TMEM50B: variants seen among roughly 807,000 people sequenced by gnomAD.
The protein encoded by TMEM50B is transmembrane protein 50B, also known as HCV p7-trans-regulated protein 3.
In TMEM50B, 14 loss-of-function variants were observed where a neutral mutation model predicts 23.4. That is an observed-to-expected ratio of 0.60 (90% CI 0.39 to 0.93). TMEM50B has a LOEUF of 0.93. TMEM50B is among the 40% of genes least tolerant of loss of function. The pLI is 0.00. For synonymous variants in TMEM50B, 64 were observed against 62.3 expected (o/e 1.03, Z -0.13); for missense variants, 159 against 193.0 (o/e 0.82, Z 1.04).
chr21:33,469,238 C>T (rs1320471536), intron 1 of TMEM50B, among the ~76,000 whole-genome samples: 2 of 151,980 alleles, frequency 1.3e-5, no homozygotes, highest in East Asian at 3.9e-4. Context: ...TCACTTGAGG[C>T]CAGGAGTTCG....
chr21:33,473,457 GA>G (rs35814774), intron 1 of TMEM50B, among the ~76,000 whole-genome samples: 27,118 of 84,960 alleles, frequency 0.32, 2,990 homozygotes, highest in Middle Eastern at 0.45. Context: ...TGTCTCGGAA[GA>G]AAAAAAAAAA....
At chr21:33,463,226 A>G (rs919445727) in intron 4 of TMEM50B, among the ~76,000 whole-genome samples, 3 of 152,234 alleles carry the variant, frequency 2.0e-5, no homozygotes, top group African/African-American at 7.2e-5. Context: ...TGGGAGGCGG[A>G]GGATGCAATG....
At position 33,449,252 on chromosome 21, in the gene TMEM50B, CAAAG is replaced by C. The variant is rs1321791157; in HGVS notation, c.*1562_*1565del. On this transcript the variant is annotated 3_prime_UTR_variant, in exon 7 of 7. Transcript: ENST00000542230. ...TACTAACATTTTGAAGAAAAAACAG[CAAAG>C]AAAGAAGTCATCAAACAAGATGGTA... 5 of 152,154 alleles carry C rather than the reference CAAAG, an allele frequency of 3.3e-5. No individual in the cohort carries two copies. Among genetic ancestry groups the C allele is most frequent in the Non-Finnish European group, 7.3e-5 (5 of 68,036 alleles). 9.4% of individuals were successfully genotyped at this position (152,154 alleles called of 1,614,324 possible).
chr21:33,443,594 T>C lies in TMEM50B; in HGVS notation c.*2037-4297A>G, dbSNP rs534180472. Among the ~76,000 whole-genome samples the C allele has an allele frequency of 2.6e-5, 4 of 152,338 alleles. No individual in the cohort carries two copies. In the South Asian group the frequency reaches 6.2e-4, roughly 24 times the overall value. ...AGGGATATGACGACTAAATGCAACG[T>C]GTGACCATGGGCAGGATCCTGCCAC... On this transcript the variant is annotated intron_variant and NMD_transcript_variant, in intron 7 of 8. Coordinates refer to the TMEM50B transcript ENST00000420455.
intron 8 of TMEM50B, chr21:33,436,730 T>TA (rs1465328734): frequency 1.0e-6 from 1 of 991,100 alleles, no homozygotes; most frequent in African/African-American, 1.8e-5. Flanking sequence ...AAAAAAAAAA[T>TA]AAAAATAAAA....
chr21:33,468,459 T>C, intron 2 of TMEM50B: 1 of 208,416 alleles, frequency 4.8e-6, no homozygotes, highest in Non-Finnish European at 9.7e-6. Context: ...ACAATAATTT[T>C]GGGTTACATC....
At chr21:33,468,266 A>AATT in intron 2 of TMEM50B, among the ~76,000 whole-genome samples, 1 of 152,234 alleles carries the variant, frequency 6.6e-6, no homozygotes, top group Admixed American at 6.5e-5. Flanking sequence ...ATGGAAAGAA[A>AATT]ATTAAACAAT....
intron 2 of TMEM50B, 154 bp from the exon 3 acceptor site, chr21:33,467,276 G>A: frequency 1.6e-6 from 1 of 611,402 alleles, no homozygotes; most frequent in Non-Finnish European, 2.8e-6. Context: ...AAGGCAGGTG[G>A]ATTACTTGAG....
At chr21:33,464,817 A>G (rs1015862051) in intron 4 of TMEM50B, among the ~76,000 whole-genome samples, 2 of 151,056 alleles carry the variant, frequency 1.3e-5, no homozygotes, top group Non-Finnish European at 3.0e-5. Context: ...AAAAAAAAAA[A>G]AAAAAAACAA....
intron 1 of TMEM50B, among the ~76,000 whole-genome samples, chr21:33,472,028 C>T (rs1568986981): frequency 7.9e-6 from 1 of 126,288 alleles, no homozygotes; most frequent in Non-Finnish European, 1.8e-5. Context: ...CGAGACTCCC[C>T]TAAAAAAAAA....
intron 6 of TMEM50B, among the ~76,000 whole-genome samples, chr21:33,453,933 A>AT (rs2084145537): frequency 6.6e-6 from 1 of 151,856 alleles, no homozygotes; most frequent in South Asian, 2.1e-4. Context: ...GCAAAACCCC[A>AT]TCTCTACTAA....
At chr21:33,432,631 T>C in exon 9 of TMEM50B, 1 of 1,479,490 alleles carries the variant, frequency 6.8e-7, no homozygotes, top group South Asian at 1.1e-5. Context: ...GAATGCTCTT[T>C]AAGCAGCATG....
chr21:33,436,946 T>G, intron 8 of TMEM50B: 6 of 1,613,962 alleles, frequency 3.7e-6, no homozygotes, highest in Non-Finnish European at 5.1e-6. Flanking sequence ...CAAGAAGATG[T>G]TCTCCAAACG....
intron 7 of TMEM50B, among the ~76,000 whole-genome samples, chr21:33,444,087 G>C (rs2084031735): frequency 6.6e-6 from 1 of 152,152 alleles, no homozygotes; most frequent in Non-Finnish European, 1.5e-5. Context: ...TTTTAGTAGA[G>C]ATGGGATTTC....
chr21:33,474,198 GGTT>G (rs767206320), intron 1 of TMEM50B, among the ~76,000 whole-genome samples: 82 of 150,176 alleles, frequency 5.5e-4, no homozygotes, highest in Admixed American at 1.1e-3. Context: ...CAGGGGAGGG[GGTT>G]GTTGTTGTTT....
intron 6 of TMEM50B, among the ~76,000 whole-genome samples, chr21:33,453,527 G>A (rs1317378503): frequency 6.6e-6 from 1 of 152,124 alleles, no homozygotes; most frequent in African/African-American, 2.4e-5. Context: ...CAGAGGGAGG[G>A]TGCAGTGGAT....
At chr21:33,436,724 AAAAAAT>A (rs923330566) in intron 8 of TMEM50B, 35 of 975,422 alleles carry the variant, frequency 3.6e-5, no homozygotes, top group East Asian at 3.5e-4. Flanking sequence ...CATCTCAAAA[AAAAAAT>A]AAAAATAAAA....
At chr21:33,479,262 G>A (rs934732270) in intron 1 of TMEM50B, 4 of 156,794 alleles carry the variant, frequency 2.6e-5, no homozygotes, top group African/African-American at 9.6e-5. Context: ...TATAATTCTC[G>A]AAAGAATGTT....
Position 33,460,428 on chromosome 21 carries a change from C to T in TMEM50B, c.358G>A (p.Ala120Thr). The change falls in exon 5 of 7, where the codon GCA becomes ACA. Residue 120 changes from alanine to threonine, a missense_variant. By Grantham distance (58) the Ala-to-Thr change is moderately conservative. Transcript: ENST00000542230. ...LIASMWILFGAYVTQNTDVYP... is the reference protein window; with the variant it reads ...LIASMWILFGTYVTQNTDVYP... ...ATATACTTACTTTGGGTAACATATG[C>T]ACCAAAAAGAATCCACATGGAAGCA... The T allele has an allele frequency of 6.2e-7, 1 of 1,604,086 alleles. No homozygotes were observed. The highest frequency in any genetic ancestry group is 8.5e-7 in the Non-Finnish European group (1 of 1,173,680).
Sources: gnomAD v4.1 joint callset for allele counts (sites outside exome capture counted in the v4.1 genomes callset) on GRCh38, gnomAD v4.1.1 for gene constraint, MANE v1.5 for transcripts, NCBI Gene and HGNC (gene_info 2026-07-23, HGNC 2026-07-21) for gene names.